The following PDE1C variants were observed in gnomAD, a reference collection of about 807,000 sequenced individuals.
PDE1C encodes the protein dual specificity calcium/calmodulin-dependent 3',5'-cyclic nucleotide phosphodiesterase 1C.
Under a neutral mutation model 93.1 loss-of-function variants are expected in PDE1C, and 62 were observed. The observed-to-expected ratio is 0.67, with a 90% CI of 0.54 to 0.82. PDE1C has a LOEUF of 0.82. PDE1C is among the 40% of genes least tolerant of loss of function. PDE1C has a pLI of 0.00. For synonymous variants in PDE1C, 325 were observed against 310.1 expected (o/e 1.05, Z -0.50); for missense variants, 742 against 884.6 (o/e 0.84, Z 2.04).
At chr7:32,183,053 G>C (rs1284806907) in intron 2 of PDE1C, among the ~76,000 whole-genome samples, 13 of 152,112 alleles carry the variant, frequency 8.5e-5, no homozygotes, top group Admixed American at 8.5e-4. Context: ...ATTCACAATT[G>C]CTTCAAAGAG....
intron 16 of PDE1C, among the ~76,000 whole-genome samples, chr7:31,803,641 T>C (rs1214854118): frequency 6.6e-6 from 1 of 151,910 alleles, no homozygotes; most frequent in African/African-American, 2.4e-5. Flanking sequence ...AGTGAGAACA[T>C]GCGGTGTTTC....
Position 31,755,796 on chromosome 7 carries a change from C to T in PDE1C, c.1961-2243G>A, listed in dbSNP as rs182318107. ...TAATTGTGGGAGAATAATTTATATA[C>T]ATATGCCTCCCTTAAGGAGAAGGAG... On this transcript the variant is annotated intron_variant, in intron 17 of 17. Coordinates refer to ENST00000396191, the MANE Select transcript of PDE1C (RefSeq NM_001191057.4). 3.4e-3 allele frequency among the ~76,000 whole-genome samples: 525 copies of T among 152,206 alleles called. 2 individuals are homozygous for T. Among genetic ancestry groups the T allele is most frequent in the African/African-American group, 0.012 (487 of 41,530 alleles).
chr7:31,968,641 C>T (rs28748000), intron 2 of PDE1C, among the ~76,000 whole-genome samples: 183 of 152,198 alleles, frequency 1.2e-3, no homozygotes, highest in Middle Eastern at 6.8e-3. Flanking sequence ...AAAAAGAGCC[C>T]GCATCGCCAG....
At chr7:31,871,667 C>T (rs1294501801) in intron 6 of PDE1C, among the ~76,000 whole-genome samples, 1 of 150,182 alleles carries the variant, frequency 6.7e-6, no homozygotes, top group African/African-American at 2.5e-5. Flanking sequence ...TATCATCTTA[C>T]CCCAGTAAGA....
chr7:31,851,977 C>G (rs1477736492), intron 7 of PDE1C, among the ~76,000 whole-genome samples: 1 of 152,100 alleles, frequency 6.6e-6, no homozygotes, highest in East Asian at 1.9e-4. Flanking sequence ...TGATGTAAGA[C>G]AAATGTGAGT....
At chr7:31,642,952 AC>A in the PDE1C span, 1 of 1,614,008 alleles carries the variant, frequency 6.2e-7, no homozygotes, top group Non-Finnish European at 8.5e-7. Context: ...TGCCAAGACC[AC>A]CACGAGGGGA....
At chr7:31,666,969 A>G in the PDE1C span, among the ~76,000 whole-genome samples, 2 of 152,214 alleles carry the variant, frequency 1.3e-5, no homozygotes, top group Non-Finnish European at 2.9e-5. Flanking sequence ...CTAGGGTTGC[A>G]GTAGGTGCCA....
At chr7:32,006,343 A>G (rs1376054281) in intron 2 of PDE1C, among the ~76,000 whole-genome samples, 11 of 152,298 alleles carry the variant, frequency 7.2e-5, no homozygotes. Flanking sequence ...TTGAAAAAAA[A>G]TTGTCTTATT....
At chr7:31,957,711 TTA>T (rs1808335152) in intron 2 of PDE1C, among the ~76,000 whole-genome samples, 1 of 152,216 alleles carries the variant, frequency 6.6e-6, no homozygotes, top group Admixed American at 6.5e-5. Flanking sequence ...CCTGAGTAGC[TTA>T]GCAGAAATGC....
chr7:32,103,869 C>T (rs1248149664), intron 3 of PDE1C, among the ~76,000 whole-genome samples: 1 of 151,316 alleles, frequency 6.6e-6, no homozygotes, highest in African/African-American at 2.4e-5. Context: ...AGGATGCTAC[C>T]CAAATAATAG....
At chr7:32,238,073 G>A (rs1297181520) in intron 1 of PDE1C, among the ~76,000 whole-genome samples, 1 of 151,942 alleles carries the variant, frequency 6.6e-6, no homozygotes. Flanking sequence ...CCTGGCCAAA[G>A]GTTATAAGTT....
intron 11 of PDE1C, among the ~76,000 whole-genome samples, chr7:31,832,836 C>A (rs1176257563): frequency 3.3e-5 from 5 of 152,070 alleles, no homozygotes; most frequent in Admixed American, 3.3e-4. Context: ...AAAAAATGTT[C>A]ATATGTTTAA....
the PDE1C span, among the ~76,000 whole-genome samples, chr7:31,625,771 TTA>T: frequency 6.6e-6 from 1 of 151,544 alleles, no homozygotes; most frequent in Non-Finnish European, 1.5e-5. Context: ...TAAAGTATAA[TTA>T]AAAAAAAAAC....
intron 1 of PDE1C, among the ~76,000 whole-genome samples, chr7:32,418,881 T>A (rs971558044): frequency 1.3e-5 from 2 of 152,184 alleles, no homozygotes; most frequent in African/African-American, 4.8e-5. Context: ...CCTGGAGCAT[T>A]TAAGCTGCAA....
the PDE1C span, among the ~76,000 whole-genome samples, chr7:31,625,690 TGCAGCG>T: frequency 6.6e-6 from 1 of 152,192 alleles, no homozygotes; most frequent in East Asian, 1.9e-4. Context: ...AGTTAGTGGG[TGCAGCG>T]CACCAACATG....
At chr7:31,641,596 G>T in the PDE1C span, among the ~76,000 whole-genome samples, 1 of 152,078 alleles carries the variant, frequency 6.6e-6, no homozygotes, top group African/African-American at 2.4e-5. Context: ...ACATTTCATG[G>T]ATGCTCCTGT....
At chr7:31,828,116 C>T (rs531277780) in intron 12 of PDE1C, among the ~76,000 whole-genome samples, 176 bp downstream of exon 12, 1 of 152,242 alleles carries the variant, frequency 6.6e-6, no homozygotes, top group South Asian at 2.1e-4. Context: ...GAACAAGCCA[C>T]ATTCCAGGGA....
At chr7:31,632,053 G>A in the PDE1C span, among the ~76,000 whole-genome samples, 2 of 152,274 alleles carry the variant, frequency 1.3e-5, no homozygotes, top group East Asian at 1.9e-4. Context: ...CTTTCCCTGT[G>A]GCTTATTCTC....
At chr7:32,349,484 C>T (rs1042182573) in intron 1 of PDE1C, among the ~76,000 whole-genome samples, 7 of 152,302 alleles carry the variant, frequency 4.6e-5, no homozygotes, top group Admixed American at 3.3e-4. Flanking sequence ...CACTTGGAAA[C>T]GTGTGGGCTA....
Sources: allele counts gnomAD v4.1 joint callset (sites outside exome capture counted in the v4.1 genomes callset), GRCh38; gene constraint gnomAD v4.1.1; transcripts MANE v1.5; gene names NCBI Gene and HGNC (gene_info 2026-07-23, HGNC 2026-07-21).